PTPRE: variants seen among roughly 807,000 people sequenced by gnomAD.
The protein encoded by PTPRE is protein tyrosine phosphatase receptor type E.
In PTPRE, 51 loss-of-function variants were observed where a neutral mutation model predicts 102.0. The observed-to-expected ratio is 0.50, with a 90% CI of 0.40 to 0.63. The LOEUF (loss-of-function observed/expected upper bound fraction) is 0.63, where lower values mean the gene tolerates loss of function less well. PTPRE is among the 30% of genes least tolerant of loss of function. PTPRE has a pLI of 0.00. For synonymous variants in PTPRE, 345 were observed against 348.2 expected (o/e 0.99, Z 0.10); for missense variants, 752 against 915.1 (o/e 0.82, Z 2.30).
At chr10:127,927,955 A>C (rs1380277156) in intron 1 of PTPRE, among the ~76,000 whole-genome samples, 1 of 152,194 alleles carries the variant, frequency 6.6e-6, no homozygotes, top group Non-Finnish European at 1.5e-5. Flanking sequence ...TTCATATTGC[A>C]TTTAAGTATA....
intron 2 of PTPRE, among the ~76,000 whole-genome samples, 167 bp from the exon 3 acceptor site, chr10:128,040,708 G>A (rs942590663): frequency 2.0e-5 from 3 of 152,214 alleles, no homozygotes; most frequent in Non-Finnish European, 4.4e-5. Flanking sequence ...TCCCCCTGGT[G>A]TTGAGAAGCC....
chr10:128,077,342 T>G (rs1038611590), intron 18 of PTPRE, among the ~76,000 whole-genome samples: 15 of 152,210 alleles, frequency 9.9e-5, no homozygotes, highest in African/African-American at 3.6e-4. Context: ...CTGCCAAGGA[T>G]CCCGTAGGGG....
At chr10:127,968,009 GGTGTGTGTGTGTGT>G (rs142445895) in intron 1 of PTPRE, among the ~76,000 whole-genome samples, 4 of 143,134 alleles carry the variant, frequency 2.8e-5, no homozygotes, top group African/African-American at 5.2e-5. Context: ...TTGCTCTATA[GGTGTGTGTGTGTGT>G]GTGTGTGTGT....
chr10:127,925,592 C>A (rs2135203769), intron 1 of PTPRE, among the ~76,000 whole-genome samples: 1 of 152,310 alleles, frequency 6.6e-6, no homozygotes, highest in Non-Finnish European at 1.5e-5. Context: ...ATGGTCGAGG[C>A]CAGGCCACAG....
intron 15 of PTPRE, chr10:128,071,135 G>A (rs1322189041): frequency 3.8e-6 from 2 of 520,762 alleles, no homozygotes; most frequent in Non-Finnish European, 6.8e-6. Flanking sequence ...AAGCTGCTTC[G>A]GATATGAGCT....
intron 7 of PTPRE, among the ~76,000 whole-genome samples, chr10:128,059,795 G>C (rs1373181617): frequency 6.6e-6 from 1 of 152,148 alleles, no homozygotes; most frequent in Admixed American, 6.5e-5. Context: ...ACCCATTCTG[G>C]AGTGCATCTT....
At chr10:128,026,217 G>T (rs1223926930) in intron 2 of PTPRE, among the ~76,000 whole-genome samples, 1 of 152,230 alleles carries the variant, frequency 6.6e-6, no homozygotes, top group Non-Finnish European at 1.5e-5. Context: ...GCCAGGTGCG[G>T]TGGGCAAATG....
At chr10:127,998,946 A>T (rs1255847936) in intron 2 of PTPRE, 1 of 152,202 alleles carries the variant, frequency 6.6e-6, no homozygotes, top group Non-Finnish European at 1.5e-5. Context: ...GTAGACCTTG[A>T]GGGTCCATTT....
intron 1 of PTPRE, among the ~76,000 whole-genome samples, chr10:127,908,839 C>T (rs934458642): frequency 3.3e-5 from 5 of 152,208 alleles, no homozygotes; most frequent in Non-Finnish European, 7.3e-5. Context: ...AGACCGTTCC[C>T]ATGTGGACAA....
chr10:127,975,507 G>A (rs999682765), intron 1 of PTPRE, among the ~76,000 whole-genome samples: 3 of 152,248 alleles, frequency 2.0e-5, no homozygotes, highest in East Asian at 1.9e-4. Context: ...GTGGACAGCC[G>A]AGTGTCAAGA....
At chr10:127,937,980 G>A (rs997950655) in intron 1 of PTPRE, among the ~76,000 whole-genome samples, 12 of 152,284 alleles carry the variant, frequency 7.9e-5, no homozygotes, top group African/African-American at 2.9e-4. Context: ...AATAATTCAA[G>A]TAGGTAACGC....
chr10:128,075,055 A>G (rs1851113015), intron 17 of PTPRE, among the ~76,000 whole-genome samples: 2 of 152,240 alleles, frequency 1.3e-5, no homozygotes, highest in Admixed American at 1.3e-4. Flanking sequence ...ACTTTATAGA[A>G]AGAGCATCAT....
intron 2 of PTPRE, among the ~76,000 whole-genome samples, chr10:128,001,993 T>A (rs1433680755): frequency 6.6e-6 from 1 of 152,148 alleles, no homozygotes; most frequent in Non-Finnish European, 1.5e-5. Flanking sequence ...TCGCCTGATC[T>A]CTGCAGGCTG....
At chr10:127,995,926 G>A (rs968388930) in intron 2 of PTPRE, among the ~76,000 whole-genome samples, 7 of 152,108 alleles carry the variant, frequency 4.6e-5, no homozygotes, top group Middle Eastern at 3.2e-3. Context: ...GTGCATTAGC[G>A]TGAAATGGAG....
At chr10:127,981,876 G>T (rs1417232075) in intron 1 of PTPRE, among the ~76,000 whole-genome samples, 1 of 152,028 alleles carries the variant, frequency 6.6e-6, no homozygotes, top group Non-Finnish European at 1.5e-5. Flanking sequence ...TAAAGATTAA[G>T]CTAGAAAGCT....
chr10:128,027,856 T>C (rs1430419612), intron 2 of PTPRE, among the ~76,000 whole-genome samples: 1 of 152,068 alleles, frequency 6.6e-6, no homozygotes, highest in African/African-American at 2.4e-5. Context: ...CCCCTGACGT[T>C]TGAGCCCACC....
chr10:127,976,753 T>A (rs1213102681), intron 1 of PTPRE, among the ~76,000 whole-genome samples: 3 of 152,248 alleles, frequency 2.0e-5, no homozygotes, highest in African/African-American at 7.2e-5. Context: ...CAGTAGCTCC[T>A]TCTGTCCTGT....
rs191047962 is a variant in PTPRE, at chr10:128,014,737, T to A, written c.-7-26138T>A. ...CCCCCGTCTCAACCCCAGCTTCACC[T>A]TGGCTTGTTGGCGCTCCCAGTGAGG... is the stretch of plus-strand genomic sequence containing the variant. On this transcript the variant is annotated intron_variant, in intron 2 of 20. Coordinates refer to ENST00000254667, the MANE Select transcript of PTPRE (RefSeq NM_006504.6). Among the ~76,000 whole-genome samples, 8 of 152,238 alleles carry A rather than the reference T, an allele frequency of 5.3e-5. No homozygotes were observed. The East Asian group carries it at 1.5e-3, about 29-fold the overall frequency.
At chr10:128,081,847 C>T (rs908019611) in intron 20 of PTPRE, among the ~76,000 whole-genome samples, 6 of 152,312 alleles carry the variant, frequency 3.9e-5, no homozygotes, top group African/African-American at 9.6e-5. Flanking sequence ...CTGGCCAGAC[C>T]GGGACTCAGG....
Sources: gnomAD v4.1 joint callset for allele counts (sites outside exome capture counted in the v4.1 genomes callset) on GRCh38, gnomAD v4.1.1 for gene constraint, MANE v1.5 for transcripts, NCBI Gene and HGNC (gene_info 2026-07-23, HGNC 2026-07-21) for gene names.